The following MOK variants were observed in gnomAD, a reference collection of about 807,000 sequenced individuals.
The protein encoded by MOK is MOK protein kinase, also known as MAPK/MAK/MRK overlapping kinase.
In MOK, 59 loss-of-function variants were observed where a neutral mutation model predicts 54.2. The observed-to-expected ratio is 1.09, with a 90% CI of 0.88 to 1.35. The LOEUF (loss-of-function observed/expected upper bound fraction) is 1.35. Ranked by LOEUF, MOK falls within the 40% of genes most tolerant of loss-of-function variation. MOK has a pLI of 0.00. For synonymous variants in MOK, 210 were observed against 202.7 expected, an observed-to-expected ratio of 1.04 and a Z score of -0.31; for missense variants, 517 against 526.2, an observed-to-expected ratio of 0.98 and a Z score of 0.17.
rs138411819 is a variant in MOK at position 102,241,907 on chromosome 14, G to A, written c.591-8118C>T. On this transcript the variant is annotated intron_variant, in intron 7 of 11. Coordinates refer to ENST00000361847, the MANE Select transcript of MOK (RefSeq NM_014226.3). The stretch of plus-strand genomic sequence containing the variant: ...CCTCCCCAAGGATCTTACTTCTAGC[G>A]CCGGAAATCTGGCCACTGGGCCAAG... Among the ~76,000 whole-genome samples, 763 of 152,280 alleles carry A rather than the reference G, an allele frequency of 5.0e-3. 10 individuals carry two copies. Among genetic ancestry groups the A allele is most frequent in the African/African-American group, 0.017 (718 of 41,548 alleles).
chr14:102,271,118 G>A (rs1302342199), intron 2 of MOK, among the ~76,000 whole-genome samples: 1 of 152,252 alleles, frequency 6.6e-6, no homozygotes, highest in Non-Finnish European at 1.5e-5. Context: ...TCAGGAGGCA[G>A]AGGTTGCAGC....
At chr14:102,269,926 G>A (rs1420595466) in intron 2 of MOK, among the ~76,000 whole-genome samples, 1 of 152,158 alleles carries the variant, frequency 6.6e-6, no homozygotes, top group Non-Finnish European at 1.5e-5. Flanking sequence ...TTAACTACCT[G>A]TCCTAATTGA....
intron 7 of MOK, chr14:102,234,255 T>A (rs1371581537): frequency 6.2e-6 from 1 of 160,550 alleles, no homozygotes; most frequent in East Asian, 1.8e-4. Context: ...TTTTTCTCTC[T>A]CTCTCCCTCC....
intron 2 of MOK, 118 bp from the exon 3 acceptor site, chr14:102,266,030 C>T (rs1326025179): frequency 1.1e-5 from 8 of 742,312 alleles, no homozygotes; most frequent in African/African-American, 8.7e-5. Context: ...GCAAGTTAAT[C>T]AGGTTTTATT....
chr14:102,243,683 C>T (rs944339093), intron 7 of MOK, among the ~76,000 whole-genome samples: 7 of 152,200 alleles, frequency 4.6e-5, no homozygotes, highest in Non-Finnish European at 1.0e-4. Flanking sequence ...AGACTTCAAT[C>T]CGGCCTCCCA....
rs1343039999 is a variant in MOK, at chr14:102,235,152, C to T, written c.591-1363G>A. 1 of 152,300 alleles carries T rather than the reference C, an allele frequency of 6.6e-6. No homozygotes were observed. The highest frequency in any genetic ancestry group is 1.9e-4 in the East Asian group (1 of 5,184). The allele number at this position is 152,300 out of a possible 1,614,324, so 9.4% of individuals were successfully genotyped here. ...ACCTCCGACTCTGAGTCCTCCCCATCTCCACCCCTTACTCGTTCTCGAGCC... is the reference window on the plus strand; with the variant it reads ...ACCTCCGACTCTGAGTCCTCCCCATTTCCACCCCTTACTCGTTCTCGAGCC... On this transcript the variant is annotated intron_variant, in intron 7 of 11. Transcript: ENST00000361847. The surrounding 1 kb of genome is among the most constrained non-coding windows in gnomAD (Gnocchi z 4.4).
At chr14:102,268,914 CAA>C (rs10700014) in intron 2 of MOK, among the ~76,000 whole-genome samples, 5 of 116,980 alleles carry the variant, frequency 4.3e-5, no homozygotes, top group Admixed American at 9.4e-5. Flanking sequence ...GACTCCGTCT[CAA>C]AAAAAAAAAA....
At chr14:102,250,782 G>C (rs1031571455) in intron 7 of MOK, 30 bp downstream of exon 7, 1 of 1,603,316 alleles carries the variant, frequency 6.2e-7, no homozygotes, top group African/African-American at 1.3e-5. Flanking sequence ...TCCGCCGCAG[G>C]AACCAGGCAG....
At chr14:102,221,747 C>T (rs1567108780), downstream of MOK, among the ~76,000 whole-genome samples, 2 of 152,146 alleles carry the variant, frequency 1.3e-5, no homozygotes, top group Non-Finnish European at 1.5e-5. This position sits in a 1 kb window ranked among gnomAD's most constrained non-coding sequence, Gnocchi z 4.8. Flanking sequence ...GGGCAGTTTC[C>T]GATTGTCACC....
chr14:102,224,199 G>A (rs985007109), downstream of MOK, among the ~76,000 whole-genome samples: 15 of 151,952 alleles, frequency 9.9e-5, no homozygotes, highest in East Asian at 1.9e-4. Context: ...CCGCCACCAC[G>A]CCCGGCTAAT....
At chr14:102,280,744 A>G (rs2069329599) in intron 2 of MOK, 1 of 152,194 alleles carries the variant, frequency 6.6e-6, no homozygotes, top group African/African-American at 2.4e-5. Context: ...TGTGTGAGGA[A>G]TCTGGCAGAT....
At chr14:102,300,001 G>A (rs1366806272) in intron 1 of MOK, among the ~76,000 whole-genome samples, 2 of 151,870 alleles carry the variant, frequency 1.3e-5, no homozygotes, top group African/African-American at 4.8e-5. Context: ...AATATAGGGA[G>A]ACCCCCATCT....
At position 102,232,891 on chromosome 14, in the gene MOK, G is replaced by A. The variant is rs2064863643; in HGVS notation, c.693-183C>T. 4 of 516,142 alleles carry A rather than the reference G, an allele frequency of 7.7e-6. No individual in the cohort carries two copies. The South Asian group carries it at 1.3e-4, about 17-fold the overall frequency. 32.0% of individuals were successfully genotyped at this position (516,142 alleles called of 1,614,324 possible). Reference sequence around the variant, plus strand: ...CCCTGATGTAAATGATGGGCTCTGTGTAGTAATGAGATATCCACGGTTCAT... The same window carrying A: ...CCCTGATGTAAATGATGGGCTCTGTATAGTAATGAGATATCCACGGTTCAT... On this transcript the variant is annotated intron_variant, in intron 8 of 11. Coordinates refer to ENST00000361847, the MANE Select transcript of MOK (RefSeq NM_014226.3). This position sits in a 1 kb window ranked among gnomAD's most constrained non-coding sequence, Gnocchi z 5.1.
Position 102,270,071 on chromosome 14 carries a change from C to T in MOK, c.123-4159G>A, listed in dbSNP as rs114905151. Among the ~76,000 whole-genome samples, 703 of 152,254 alleles carry T rather than the reference C, an allele frequency of 4.6e-3. 6 individuals are homozygous for T. Among genetic ancestry groups the T allele is most frequent in the African/African-American group, 0.016 (652 of 41,536 alleles). ...ACATTTCAAGACTGAAAACTTTACA[C>T]AACATGTTCTCAGACCACAATGGAT... On this transcript the variant is annotated intron_variant, in intron 2 of 11. Transcript: ENST00000361847.
Position 102,229,278 on chromosome 14 carries a change from G to A in MOK, c.*11C>T, listed in dbSNP as rs1260514883. The A allele has an allele frequency of 6.3e-7, 1 of 1,585,972 alleles. No individual in the cohort carries two copies. On this transcript the variant is annotated 3_prime_UTR_variant, in exon 12 of 12. Coordinates refer to ENST00000361847, the MANE Select transcript of MOK (RefSeq NM_014226.3). ...TGTTGCCTCCGAAGTCGAGACGACG[G>A]TGCTGCTCAGTTATCTTCCGCCTTT...
In MOK at chr14:102,233,571, T is replaced by C. The variant is rs545575507; in HGVS notation, c.692+117A>G. On this transcript the variant is annotated intron_variant, in intron 8 of 11. Transcript: ENST00000361847. ...GCCCTCAAGTGAACTTGAACCCCTGTAGTCAGCCAAAGGAGCTCCTGAGAG... is the reference window on the plus strand; with the variant it reads ...GCCCTCAAGTGAACTTGAACCCCTGCAGTCAGCCAAAGGAGCTCCTGAGAG... The C allele has an allele frequency of 7.1e-4, 563 of 796,602 alleles. 10 individuals are homozygous for C. In the South Asian group the frequency reaches 7.7e-3, roughly 11 times the overall value. 49.3% of individuals were successfully genotyped at this position (796,602 alleles called of 1,614,324 possible). A position where few individuals can be genotyped will look rare whatever the true frequency, so the allele number is the denominator to read the frequency against.
Position 102,229,199 on chromosome 14 carries a change from C to T in MOK, c.*90G>A. ...GAAACGGACGCAGGCGCATCCCCAG[C>T]CCTCCGTGGCGTCTCAGCAGCAGAT... On this transcript the variant is annotated 3_prime_UTR_variant, in exon 12 of 12. Coordinates refer to ENST00000361847, the MANE Select transcript of MOK (RefSeq NM_014226.3). 2.2e-6 allele frequency: 3 copies of T among 1,355,760 alleles called. No individual in the cohort carries two copies. Among genetic ancestry groups the T allele is most frequent in the Middle Eastern group, 2.7e-4 (1 of 3,724 alleles). 84.0% of individuals were successfully genotyped at this position (1,355,760 alleles called of 1,614,324 possible).
rs147890871 is a variant in MOK, at chr14:102,232,576, G to A, written c.825C>T (p.Ala275=). 48 of 1,613,890 alleles carry A rather than the reference G, an allele frequency of 3.0e-5. No homozygotes were observed. The highest frequency in any genetic ancestry group is 1.7e-4 in the Middle Eastern group (1 of 6,046). ...AGGGGTGCTGCAGGGCCTGGTGGGC[G>A]GCGATTCTCTCATCGGGATCATAGG... ...MVAYDPDERI[A]AHQALQHPYF... The change falls in exon 9 of 12, where the codon GCC becomes GCT. Residue 275 remains alanine (A), a synonymous_variant. Transcript: ENST00000361847. The surrounding 1 kb of genome is among the most constrained non-coding windows in gnomAD (Gnocchi z 5.1).
intron 1 of MOK, among the ~76,000 whole-genome samples, chr14:102,290,056 G>T (rs527517833): frequency 6.7e-6 from 1 of 150,214 alleles, no homozygotes; most frequent in African/African-American, 2.4e-5. Context: ...TTCCTTGTTC[G>T]AAATGAAAAC....
Sources: gnomAD v4.1 joint callset for allele counts (sites outside exome capture counted in the v4.1 genomes callset) on GRCh38, gnomAD v4.1.1 for gene constraint, Gnocchi (gnomAD v3.1) non-coding constraint, MANE v1.5 for transcripts, NCBI Gene and HGNC (gene_info 2026-07-23, HGNC 2026-07-21) for gene names.